Variants in WASF3 observed in about 807,000 individuals in gnomAD.
WASF3 encodes the protein actin-binding protein WASF3.
Under a neutral mutation model 46.6 loss-of-function variants are expected in WASF3, and 11 were observed. The observed-to-expected ratio is 0.24, with a 90% confidence interval of 0.15 to 0.39. WASF3 has a LOEUF of 0.39. Ranked by LOEUF, WASF3 falls within the 10% of genes least tolerant of loss-of-function variation. The pLI, the probability that WASF3 is intolerant of heterozygous loss-of-function variation, is 1.00. For missense variants in WASF3, 576 were observed against 669.8 expected (o/e 0.86, Z 1.55); for synonymous variants, 242 against 259.7 (o/e 0.93, Z 0.65).
At chr13:26,563,339 G>A (rs1566035782) in intron 1 of WASF3, among the ~76,000 whole-genome samples, 1 of 151,908 alleles carries the variant, frequency 6.6e-6, no homozygotes, top group Non-Finnish European at 1.5e-5. Context: ...CACCGCCCCC[G>A]ATGTCATAGA....
At chr13:26,575,243 CT>C (rs1039227899) in intron 1 of WASF3, among the ~76,000 whole-genome samples, 6 of 151,974 alleles carry the variant, frequency 3.9e-5, no homozygotes, top group African/African-American at 9.7e-5. Context: ...GATTGTATGG[CT>C]TTTTTTTCTT....
intron 3 of WASF3, among the ~76,000 whole-genome samples, chr13:26,659,161 AG>A (rs1240183459): frequency 6.6e-6 from 1 of 152,222 alleles, no homozygotes; most frequent in Non-Finnish European, 1.5e-5. Context: ...GCATTTAGCC[AG>A]GGCTGCTAGG....
At chr13:26,578,933 A>G (rs896984522) in intron 1 of WASF3, among the ~76,000 whole-genome samples, 1 of 146,348 alleles carries the variant, frequency 6.8e-6, no homozygotes, top group African/African-American at 2.6e-5. Flanking sequence ...CCTTTATGAT[A>G]GTAGTTATTA....
At chr13:26,557,072 T>A (rs1879113898), upstream of WASF3, among the ~76,000 whole-genome samples, 1 of 152,218 alleles carries the variant, frequency 6.6e-6, no homozygotes, top group Non-Finnish European at 1.5e-5. Flanking sequence ...GTTTCAGGGA[T>A]ATCTTAGTTT....
chr13:26,618,712 A>G (rs1016162955), intron 2 of WASF3: 4 of 152,220 alleles, frequency 2.6e-5, no homozygotes, highest in African/African-American at 4.8e-5. Context: ...ACATTCTTGT[A>G]CATGAATTCT....
chr13:26,684,442 A>G (rs1159319648), intron 9 of WASF3, among the ~76,000 whole-genome samples: 1 of 138,374 alleles, frequency 7.2e-6, no homozygotes, highest in Non-Finnish European at 1.5e-5. Flanking sequence ...ACTGTGAAGA[A>G]CTATCCAGAT....
At chr13:26,572,510 T>A (rs1879670180) in intron 1 of WASF3, among the ~76,000 whole-genome samples, 2 of 152,222 alleles carry the variant, frequency 1.3e-5, no homozygotes, top group South Asian at 4.1e-4. Context: ...GTTAGACTTA[T>A]GAATATGGTG....
upstream of WASF3, among the ~76,000 whole-genome samples, chr13:26,555,232 C>T (rs1275817028): frequency 6.6e-6 from 1 of 152,046 alleles, no homozygotes. Context: ...AGATCTTTTG[C>T]TCACTTGAAA....
chr13:26,663,038 A>G (rs746254292), intron 3 of WASF3, among the ~76,000 whole-genome samples: 1 of 152,142 alleles, frequency 6.6e-6, no homozygotes. Context: ...TCTAAAAGCT[A>G]TTGATGTAAT....
intron 1 of WASF3, among the ~76,000 whole-genome samples, chr13:26,590,180 G>T (rs1365674644): frequency 3.3e-5 from 5 of 152,046 alleles, no homozygotes; most frequent in African/African-American, 4.8e-5. Flanking sequence ...TTCCCATCGC[G>T]CTAATTTCCA....
intron 2 of WASF3, chr13:26,626,127 A>G (rs1881456600): frequency 6.6e-6 from 1 of 152,224 alleles, no homozygotes; most frequent in Non-Finnish European, 1.5e-5. Context: ...AGCATCTTGC[A>G]GTAGGGGAGA....
intron 1 of WASF3, among the ~76,000 whole-genome samples, chr13:26,572,238 G>A (rs1019583058): frequency 6.6e-6 from 1 of 152,176 alleles, no homozygotes; most frequent in African/African-American, 2.4e-5. Context: ...TAGTGGAAAA[G>A]GTAGTGGGCA....
At chr13:26,597,152 T>C (rs1880492620) in intron 1 of WASF3, among the ~76,000 whole-genome samples, 2 of 152,178 alleles carry the variant, frequency 1.3e-5, no homozygotes, top group Admixed American at 6.5e-5. Flanking sequence ...TATTATTTTT[T>C]TGAGACATCT....
chr13:26,684,992 G>A (rs1883357203), intron 9 of WASF3, among the ~76,000 whole-genome samples: 1 of 151,926 alleles, frequency 6.6e-6, no homozygotes, highest in Non-Finnish European at 1.5e-5. Context: ...GGAGGCTGAG[G>A]TGGGAGGATT....
chr13:26,586,162 G>C (rs939843200), intron 1 of WASF3, among the ~76,000 whole-genome samples: 1 of 152,058 alleles, frequency 6.6e-6, no homozygotes, highest in Non-Finnish European at 1.5e-5. Flanking sequence ...TTTTCAAGTA[G>C]TTTAATATTT....
chr13:26,543,259 A>G, the WASF3 span, among the ~76,000 whole-genome samples: 3 of 152,308 alleles, frequency 2.0e-5, no homozygotes, highest in Admixed American at 1.3e-4. Context: ...TCCTCTGCAC[A>G]TGCAGGAGAG....
At chr13:26,648,524 T>C (rs184610728) in intron 3 of WASF3, among the ~76,000 whole-genome samples, 5 of 152,316 alleles carry the variant, frequency 3.3e-5, no homozygotes, top group Admixed American at 3.3e-4. Context: ...CTTTCTTGGA[T>C]GTTTTTAGCC....
chr13:26,571,405 A>G (rs1010848930), intron 1 of WASF3, among the ~76,000 whole-genome samples: 6 of 152,162 alleles, frequency 3.9e-5, no homozygotes, highest in East Asian at 1.9e-4. Context: ...ATACGCTACA[A>G]ATTTATTCTG....
intron 1 of WASF3, among the ~76,000 whole-genome samples, chr13:26,569,911 T>C (rs942795556): frequency 2.6e-5 from 4 of 152,238 alleles, no homozygotes; most frequent in Admixed American, 1.3e-4. Flanking sequence ...TAACAAGATA[T>C]TCATTTATGC....
Sources: allele counts gnomAD v4.1 joint callset (sites outside exome capture counted in the v4.1 genomes callset), GRCh38; gene constraint gnomAD v4.1.1; transcripts MANE v1.5; gene names NCBI Gene and HGNC (gene_info 2026-07-23, HGNC 2026-07-21).